ZC2HC1A: variants seen among roughly 807,000 people sequenced by gnomAD.
ZC2HC1A encodes the protein zinc finger C2HC domain-containing protein 1A.
In ZC2HC1A, 28 loss-of-function variants were observed where a neutral mutation model predicts 40.7. The observed-to-expected ratio is 0.69, with a 90% CI of 0.51 to 0.94. The LOEUF (loss-of-function observed/expected upper bound fraction) is 0.94. ZC2HC1A is among the 40% of genes least tolerant of loss of function. ZC2HC1A has a pLI of 0.00. For synonymous variants in ZC2HC1A, 129 were observed against 129.2 expected (o/e 1.00, Z 0.01); for missense variants, 389 against 386.3 (o/e 1.01, Z -0.06).
At chr8:78,666,487 C>T (rs1198607695) in intron 1 of ZC2HC1A, among the ~76,000 whole-genome samples, 2 of 152,222 alleles carry the variant, frequency 1.3e-5, no homozygotes. Flanking sequence ...TTTTAGTGAT[C>T]CCAGTCTCTG....
chr8:78,697,386 A>G (rs371415546), intron 5 of ZC2HC1A, 21 bp from the exon 6 acceptor site: 25 of 1,545,360 alleles, frequency 1.6e-5, no homozygotes, highest in Non-Finnish European at 1.9e-5. Context: ...GTTGATTAAT[A>G]TTTTTTTTCC....
intron 3 of ZC2HC1A, among the ~76,000 whole-genome samples, chr8:78,681,826 C>A (rs1228280631): frequency 6.6e-6 from 1 of 151,222 alleles, no homozygotes; most frequent in Non-Finnish European, 1.5e-5. Context: ...TTTATAATAT[C>A]TTCTTGTCTT....
intron 7 of ZC2HC1A, chr8:78,711,928 A>G (rs1192956744): frequency 9.3e-7 from 1 of 1,077,426 alleles, no homozygotes; most frequent in Non-Finnish European, 1.2e-6. Context: ...TCTTTTAAAA[A>G]AACTTTATAT....
At chr8:78,677,902 T>C (rs1809634267) in intron 2 of ZC2HC1A, among the ~76,000 whole-genome samples, 1 of 152,166 alleles carries the variant, frequency 6.6e-6, no homozygotes, top group African/African-American at 2.4e-5. Context: ...TGCCCACTTT[T>C]ATGGTTATTT....
chr8:78,697,371 G>T, intron 5 of ZC2HC1A, 36 bp from the exon 6 acceptor site: 1 of 1,494,620 alleles, frequency 6.7e-7, no homozygotes, highest in Non-Finnish European at 9.1e-7. Flanking sequence ...TAATCAAAAA[G>T]TGATGTTGAT....
intron 7 of ZC2HC1A, among the ~76,000 whole-genome samples, chr8:78,713,126 A>G (rs1177363946): frequency 6.6e-6 from 1 of 152,120 alleles, no homozygotes; most frequent in Admixed American, 6.5e-5. Flanking sequence ...CCAAAATTAA[A>G]CCTTCTTTAA....
intron 5 of ZC2HC1A, among the ~76,000 whole-genome samples, chr8:78,694,640 G>A (rs1428031668): frequency 6.6e-6 from 1 of 151,940 alleles, no homozygotes; most frequent in East Asian, 1.9e-4. Flanking sequence ...TCTTTCCTGA[G>A]CATTTTTAGT....
chr8:78,678,698 G>T lies in ZC2HC1A; in HGVS notation c.210+19G>T, dbSNP rs1217108836. On this transcript the variant is annotated intron_variant, in intron 3 of 8. Transcript: ENST00000263849. ...ACCGAGGGTAACTATATAACCTTTT[G>T]AACAGTATGAACTTTGGTGTTATGT... 9.7e-6 allele frequency: 15 copies of T among 1,546,764 alleles called. No individual in the cohort carries two copies. The highest frequency in any genetic ancestry group is 3.6e-5 in the South Asian group (3 of 83,382).
chr8:78,717,191 T>A (rs968432658), intron 8 of ZC2HC1A, 137 bp from the exon 9 acceptor site: 2 of 742,256 alleles, frequency 2.7e-6, no homozygotes, highest in South Asian at 2.9e-5. Flanking sequence ...AAGGATTTTT[T>A]AAAATTTGAA....
chr8:78,701,488 CT>C (rs1810601991), intron 7 of ZC2HC1A, among the ~76,000 whole-genome samples: 1 of 152,170 alleles, frequency 6.6e-6, no homozygotes, highest in African/African-American at 2.4e-5. Flanking sequence ...CCCTTTATTT[CT>C]TTCTCTTGCC....
intron 5 of ZC2HC1A, among the ~76,000 whole-genome samples, chr8:78,697,137 GTTTC>G (rs1810446771): frequency 6.6e-6 from 1 of 152,100 alleles, no homozygotes; most frequent in Admixed American, 6.5e-5. Context: ...AATGTGAGCT[GTTTC>G]TTTCCAATTA....
At chr8:78,713,048 C>T (rs895027255) in intron 7 of ZC2HC1A, among the ~76,000 whole-genome samples, 1 of 152,102 alleles carries the variant, frequency 6.6e-6, no homozygotes, top group East Asian at 1.9e-4. Context: ...GCTGATTCTA[C>T]TGTCAGAACT....
intron 1 of ZC2HC1A, among the ~76,000 whole-genome samples, chr8:78,673,095 G>A (rs1322956639): frequency 1.3e-5 from 2 of 151,998 alleles, no homozygotes; most frequent in African/African-American, 4.8e-5. Context: ...GCCCTGGAGT[G>A]TGATGTTCCC....
At chr8:78,698,630 T>A in intron 7 of ZC2HC1A, 117 bp downstream of exon 7, 1 of 787,156 alleles carries the variant, frequency 1.3e-6, no homozygotes, top group Non-Finnish European at 1.8e-6. Flanking sequence ...ATTTGTCTTT[T>A]AACATTTTGC....
chr8:78,686,852 T>C (rs2130487029), intron 4 of ZC2HC1A, among the ~76,000 whole-genome samples: 1 of 152,250 alleles, frequency 6.6e-6, no homozygotes, highest in East Asian at 1.9e-4. Flanking sequence ...CATTATAATA[T>C]CATTTAAAAA....
intron 1 of ZC2HC1A, among the ~76,000 whole-genome samples, chr8:78,674,308 T>C (rs557912036): frequency 8.6e-4 from 131 of 152,312 alleles, no homozygotes; most frequent in African/African-American, 3.0e-3. Context: ...AAGTATAATA[T>C]GTGGTGCTTT....
chr8:78,694,286 GTTT>G (rs34581027), intron 5 of ZC2HC1A, among the ~76,000 whole-genome samples: 1 of 142,466 alleles, frequency 7.0e-6, no homozygotes, highest in Non-Finnish European at 1.5e-5. Flanking sequence ...TATGTTCCTT[GTTT>G]TTTTTTTTTT....
chr8:78,687,003 A>T (rs1014126552), intron 4 of ZC2HC1A, among the ~76,000 whole-genome samples: 11 of 151,894 alleles, frequency 7.2e-5, no homozygotes, highest in East Asian at 3.8e-4. Context: ...AGATTGATAT[A>T]AAAAAAATCA....
At chr8:78,709,275 A>G (rs1368900734) in intron 7 of ZC2HC1A, among the ~76,000 whole-genome samples, 2 of 152,194 alleles carry the variant, frequency 1.3e-5, no homozygotes, top group Admixed American at 1.3e-4. Flanking sequence ...TGTTTCTCAT[A>G]CCTTATTTAA....
Sources: allele counts gnomAD v4.1 joint callset (sites outside exome capture counted in the v4.1 genomes callset), GRCh38; gene constraint gnomAD v4.1.1; transcripts MANE v1.5; gene names NCBI Gene and HGNC (gene_info 2026-07-23, HGNC 2026-07-21).